Variants in FOCAD observed in about 807,000 individuals in gnomAD.
FOCAD encodes the protein focadhesin.
Under a neutral mutation model 225.6 loss-of-function variants are expected in FOCAD, and 198 were observed. That is an observed-to-expected ratio of 0.88 (90% CI 0.78 to 0.99). The LOEUF is 0.99. FOCAD is among the 50% of genes least tolerant of loss of function. The pLI, the probability that FOCAD is intolerant of heterozygous loss-of-function variation, is 0.00. For synonymous variants in FOCAD, 897 were observed against 755.0 expected (o/e 1.19, Z -3.08); for missense variants, 2,713 against 2,123.6 (o/e 1.28, Z -5.46).
intron 15 of FOCAD, among the ~76,000 whole-genome samples, chr9:20,859,512 T>G (rs947627875): frequency 2.6e-4 from 39 of 151,368 alleles, no homozygotes; most frequent in African/African-American, 9.2e-4. Flanking sequence ...TATAATGTAT[T>G]TAGATATAAG....
intron 15 of FOCAD, among the ~76,000 whole-genome samples, chr9:20,846,963 G>C (rs1338265011): frequency 6.6e-6 from 1 of 152,218 alleles, no homozygotes; most frequent in East Asian, 1.9e-4. Context: ...GGGTCACATA[G>C]CTACTTAGTG....
intron 39 of FOCAD, 128 bp from the exon 40 acceptor site, chr9:20,986,160 G>A: frequency 1.2e-6 from 1 of 862,550 alleles, no homozygotes; most frequent in East Asian, 3.0e-5. Flanking sequence ...GATGGGTCAT[G>A]TGCTGCAGGA....
At chr9:20,664,131 A>G (rs1456197901) in intron 2 of FOCAD, among the ~76,000 whole-genome samples, 1 of 151,992 alleles carries the variant, frequency 6.6e-6, no homozygotes, top group Non-Finnish European at 1.5e-5. Context: ...AAGATTCTGC[A>G]GAAAATCTAA....
At chr9:20,832,680 G>A (rs925748008) in intron 15 of FOCAD, among the ~76,000 whole-genome samples, 1 of 151,568 alleles carries the variant, frequency 6.6e-6, no homozygotes, top group Non-Finnish European at 1.5e-5. Flanking sequence ...AACCATCCCT[G>A]CCTCCCTACC....
In FOCAD at chr9:20,944,736, G is replaced by A. The variant is rs150113844; in HGVS notation, c.3517G>A (p.Val1173Ile). ...AALLRKLSAHVDDSGSQSRTF... is the reference protein window; with the variant it reads ...AALLRKLSAHIDDSGSQSRTF... ...ATTGCTCCGGAAGCTGTCTGCGCAC[G>A]TAGATGACAGCGGGAGCCAGAGCAG... Residue 1173 changes from valine (V) to isoleucine (I), a missense_variant, in exon 29 of 44, where the codon GTA becomes ATA. Val to Ile is a conservative substitution (Grantham distance 29). Coordinates refer to ENST00000338382, the MANE Select transcript of FOCAD (RefSeq NM_001375567.1). 3.5e-5 allele frequency: 57 copies of A among 1,613,764 alleles called. No homozygotes were observed. In the African/African-American group the frequency reaches 4.3e-4, roughly 12 times the overall value.
At chr9:20,980,818 G>A (rs1017602643) in intron 37 of FOCAD, among the ~76,000 whole-genome samples, 1 of 152,160 alleles carries the variant, frequency 6.6e-6, no homozygotes, top group Non-Finnish European at 1.5e-5. Context: ...AAGCCCACTT[G>A]GTTGAAGTCT....
intron 5 of FOCAD, among the ~76,000 whole-genome samples, chr9:20,752,788 T>A (rs888242693): frequency 1.6e-4 from 25 of 152,190 alleles, no homozygotes; most frequent in African/African-American, 5.8e-4. Context: ...TTCCTACCCA[T>A]GAGCATGGAA....
intron 25 of FOCAD, among the ~76,000 whole-genome samples, chr9:20,925,884 T>A (rs1834890151): frequency 2.0e-5 from 3 of 152,236 alleles, no homozygotes; most frequent in African/African-American, 7.2e-5. Context: ...TTGATCTGAA[T>A]TCTGTGGGCT....
At chr9:20,966,046 A>G (rs1299276122) in intron 35 of FOCAD, among the ~76,000 whole-genome samples, 1 of 152,062 alleles carries the variant, frequency 6.6e-6, no homozygotes, top group Non-Finnish European at 1.5e-5. Context: ...GTGTATATAT[A>G]TATCTAGAAG....
At chr9:20,913,036 A>C in intron 23 of FOCAD, 82 bp downstream of exon 23, 2 of 1,159,634 alleles carry the variant, frequency 1.7e-6, no homozygotes, top group South Asian at 1.3e-5. Flanking sequence ...AAAGGCTTTA[A>C]GATTAGCAGG....
chr9:20,728,994 A>G (rs1046043639), intron 4 of FOCAD, among the ~76,000 whole-genome samples: 2 of 152,150 alleles, frequency 1.3e-5, no homozygotes, highest in Non-Finnish European at 2.9e-5. Context: ...CCCTGGCTTA[A>G]CATCTCTTGT....
intron 7 of FOCAD, among the ~76,000 whole-genome samples, chr9:20,767,397 C>T (rs1247313063): frequency 7.3e-6 from 1 of 137,488 alleles, no homozygotes; most frequent in Admixed American, 7.1e-5. Context: ...GAGGAATTGC[C>T]ACACTGACTT....
intron 28 of FOCAD, among the ~76,000 whole-genome samples, chr9:20,933,946 C>A (rs1835716878): frequency 6.6e-6 from 1 of 152,004 alleles, no homozygotes; most frequent in Non-Finnish European, 1.5e-5. Flanking sequence ...ATTTGCATTT[C>A]TCTGATCATT....
chr9:20,891,398 G>T (rs1831601681), intron 21 of FOCAD, among the ~76,000 whole-genome samples: 3 of 152,190 alleles, frequency 2.0e-5, no homozygotes, highest in Admixed American at 2.0e-4. Flanking sequence ...TAGGCTGAAA[G>T]CTAGGCTTCT....
At chr9:20,892,943 C>A (rs1831749091) in intron 21 of FOCAD, among the ~76,000 whole-genome samples, 2 of 152,086 alleles carry the variant, frequency 1.3e-5, no homozygotes. Flanking sequence ...CCAGGCAAGA[C>A]CTTCCACTCA....
rs1006465433 is a variant in FOCAD at position 20,736,657 on chromosome 9, A to G, written c.288-3579A>G. ...ATCTGAAAGAGGGAAGAACATTATT[A>G]TCTTTATGTTATAGTATAAGTTTTG... On this transcript the variant is annotated intron_variant, in intron 4 of 43. Coordinates refer to ENST00000338382, the MANE Select transcript of FOCAD (RefSeq NM_001375567.1). 3.3e-5 allele frequency among the ~76,000 whole-genome samples: 5 copies of G among 152,182 alleles called. No homozygotes were observed. The East Asian group carries it at 9.6e-4, about 29-fold the overall frequency.
At chr9:20,938,428 T>C (rs1836238529) in intron 28 of FOCAD, among the ~76,000 whole-genome samples, 1 of 152,154 alleles carries the variant, frequency 6.6e-6, no homozygotes, top group African/African-American at 2.4e-5. Context: ...ATATCCTTTG[T>C]AGGGACATGG....
chr9:20,697,240 G>A (rs561966145), intron 1 of FOCAD, among the ~76,000 whole-genome samples: 14 of 152,280 alleles, frequency 9.2e-5, no homozygotes, highest in African/African-American at 1.2e-4. Context: ...GATTATTGAT[G>A]TAACCTAACT....
chr9:20,770,849 A>G lies in FOCAD; in HGVS notation c.906+611A>G, dbSNP rs139094214. 2.4e-3 allele frequency among the ~76,000 whole-genome samples: 362 copies of G among 152,346 alleles called. 2 individuals are homozygous for G. The highest frequency in any genetic ancestry group is 8.5e-3 in the African/African-American group (355 of 41,584). ...CATTAAAATACTCTTCGGATCATCAATTAAAGATCACCACTGTGACTTTTT... is the reference window on the plus strand; with the variant it reads ...CATTAAAATACTCTTCGGATCATCAGTTAAAGATCACCACTGTGACTTTTT... On this transcript the variant is annotated intron_variant, in intron 8 of 43. Coordinates refer to ENST00000338382, the MANE Select transcript of FOCAD (RefSeq NM_001375567.1).
Sources: allele counts gnomAD v4.1 joint callset (sites outside exome capture counted in the v4.1 genomes callset), GRCh38; gene constraint gnomAD v4.1.1; transcripts MANE v1.5; gene names NCBI Gene and HGNC (gene_info 2026-07-23, HGNC 2026-07-21).